RGPD2: variants seen among roughly 807,000 people sequenced by gnomAD.
RGPD2 encodes the protein RANBP2-like and GRIP domain-containing protein 2.
RGPD2 carries 2 observed loss-of-function variants against 36.0 expected under a neutral mutation model. The ratio of observed to expected loss-of-function variants is 0.06; its 90% CI spans 0.02 to 0.17. RGPD2 has a LOEUF of 0.17. Ranked by LOEUF, RGPD2 falls within the 10% of genes least tolerant of loss-of-function variation. RGPD2 has a pLI of 1.00. For missense variants in RGPD2, 40 were observed against 464.3 expected, an observed-to-expected ratio of 0.09 and a Z score of 8.40; for synonymous variants, 19 against 163.8, an observed-to-expected ratio of 0.12 and a Z score of 6.75.
chr2:87,827,235 C>T (rs1285574765), upstream of RGPD2, among the ~76,000 whole-genome samples: 5 of 152,178 alleles, frequency 3.3e-5, no homozygotes, highest in East Asian at 5.8e-4. Flanking sequence ...ATTGGATGCC[C>T]GTTGAGAATG....
chr2:87,855,140 T>G, the RGPD2 span, among the ~76,000 whole-genome samples: 1 of 151,790 alleles, frequency 6.6e-6, no homozygotes, highest in Admixed American at 6.6e-5. Context: ...AACTTCTTCA[T>G]CTTATACCTG....
At chr2:87,846,066 G>A in the RGPD2 span, among the ~76,000 whole-genome samples, 1 of 150,804 alleles carries the variant, frequency 6.6e-6, no homozygotes, top group South Asian at 2.1e-4. Flanking sequence ...ATTATATTGT[G>A]CATAGTGTTT....
the RGPD2 span, among the ~76,000 whole-genome samples, chr2:87,957,595 A>G: frequency 6.6e-6 from 1 of 152,166 alleles, no homozygotes; most frequent in African/African-American, 2.4e-5. Context: ...CATCCCATTC[A>G]TGAAGATTCC....
At chr2:87,921,292 G>A in the RGPD2 span, among the ~76,000 whole-genome samples, 1 of 152,038 alleles carries the variant, frequency 6.6e-6, no homozygotes, top group South Asian at 2.1e-4. Context: ...AAGCCCCCAG[G>A]GAAGCTTTTA....
At chr2:87,878,770 T>G in the RGPD2 span, among the ~76,000 whole-genome samples, 1 of 152,254 alleles carries the variant, frequency 6.6e-6, no homozygotes, top group African/African-American at 2.4e-5. Flanking sequence ...GTAACCACCA[T>G]TCTACTCTCT....
At chr2:87,971,994 G>C in the RGPD2 span, among the ~76,000 whole-genome samples, 1 of 149,196 alleles carries the variant, frequency 6.7e-6, no homozygotes, top group Non-Finnish European at 1.5e-5. Context: ...AATGTCCTCA[G>C]AAAGCTCAAC....
the RGPD2 span, among the ~76,000 whole-genome samples, chr2:87,855,090 T>G: frequency 8.6e-3 from 1,312 of 152,068 alleles, 11 homozygotes; most frequent in African/African-American, 0.03. Flanking sequence ...CGATATGATA[T>G]TATCAACTCT....
the RGPD2 span, among the ~76,000 whole-genome samples, chr2:87,974,939 C>G: frequency 2.0e-5 from 3 of 152,188 alleles, no homozygotes; most frequent in South Asian, 6.2e-4. Context: ...AGGATCCTGT[C>G]CCTCCTCTGT....
At chr2:87,915,574 ATG>A in the RGPD2 span, among the ~76,000 whole-genome samples, 4 of 143,110 alleles carry the variant, frequency 2.8e-5, no homozygotes, top group South Asian at 8.6e-4. Flanking sequence ...ATACACATAT[ATG>A]TGTGTGTATA....
At chr2:87,977,953 T>TA in the RGPD2 span, among the ~76,000 whole-genome samples, 3 of 150,320 alleles carry the variant, frequency 2.0e-5, no homozygotes, top group Non-Finnish European at 3.0e-5. Context: ...TGGTCTCTAC[T>TA]AAAAATACAA....
At chr2:87,771,391 T>TG in intron 22 of RGPD2, 2 of 27,256 alleles carry the variant, frequency 7.3e-5, no homozygotes, top group Admixed American at 5.3e-4. Context: ...TAGTTTTTTT[T>TG]TTTTTTTTTT....
chr2:87,899,915 TACC>T, the RGPD2 span, among the ~76,000 whole-genome samples: 2 of 44,410 alleles, frequency 4.5e-5, no homozygotes, highest in Non-Finnish European at 8.0e-5. Context: ...CAGGTATATT[TACC>T]CAAAGCCTGT....
At position 87,825,658 on chromosome 2, in the gene RGPD2, C is replaced by T. The variant is rs762134171; in HGVS notation, c.72G>A (p.Lys24=). 1.7e-5 allele frequency: 27 copies of T among 1,580,550 alleles called. 1 individual carries two copies. The South Asian group carries it at 2.9e-4, about 17-fold the overall frequency. The change falls in exon 1 of 23, where the codon AAG becomes AAA. Residue 24 remains lysine (K), a splice_region_variant and synonymous_variant. Coordinates refer to ENST00000398146, the MANE Select transcript of RGPD2 (RefSeq NM_001078170.3). ...GTCGGTCTCTTCGAGATCCACTCAC[C>T]TTTCCAGGCGACGGGGCGGAGCCCT... ...SVQGSAPSPG[K]KLRGFYFAKL...
chr2:87,832,154 T>G, the RGPD2 span, among the ~76,000 whole-genome samples: 1 of 149,144 alleles, frequency 6.7e-6, no homozygotes, highest in Non-Finnish European at 1.5e-5. Flanking sequence ...TAATAAAAAT[T>G]AATAAAAGAA....
the RGPD2 span, among the ~76,000 whole-genome samples, chr2:87,861,878 A>ATG: frequency 2.1e-5 from 2 of 97,154 alleles, no homozygotes; most frequent in African/African-American, 4.1e-5. Flanking sequence ...GTGTATATAT[A>ATG]TGTGTGTGTG....
the RGPD2 span, among the ~76,000 whole-genome samples, chr2:87,957,689 G>C: frequency 8.5e-5 from 13 of 152,194 alleles, no homozygotes; most frequent in Non-Finnish European, 1.8e-4. Flanking sequence ...ATGAATTTTG[G>C]GGGGGAGTCA....
chr2:87,773,172 A>AG, intron 21 of RGPD2, among the ~76,000 whole-genome samples: 1 of 124,350 alleles, frequency 8.0e-6, no homozygotes, highest in Admixed American at 8.7e-5. Flanking sequence ...GGAATATAAG[A>AG]CAATGTAAAA....
the RGPD2 span, among the ~76,000 whole-genome samples, chr2:87,830,997 C>T: frequency 2.0e-5 from 3 of 152,158 alleles, no homozygotes; most frequent in Non-Finnish European, 4.4e-5. Context: ...CGTTACCACA[C>T]AGGCTTTAAA....
intron 22 of RGPD2, among the ~76,000 whole-genome samples, chr2:87,769,669 CATT>C (rs1257378160): frequency 2.0e-5 from 3 of 151,976 alleles, no homozygotes; most frequent in Non-Finnish European, 4.4e-5. Context: ...GAGATAATAT[CATT>C]GTTGTATTGA....
Sources: allele counts gnomAD v4.1 joint callset (sites outside exome capture counted in the v4.1 genomes callset), GRCh38; gene constraint gnomAD v4.1.1; transcripts MANE v1.5; gene names NCBI Gene and HGNC (gene_info 2026-07-23, HGNC 2026-07-21).